CAPN7: variants seen among roughly 807,000 people sequenced by gnomAD.
CAPN7 encodes calpain 7.
A neutral mutation model predicts 115.2 loss-of-function variants in CAPN7; 72 were observed. That is an observed-to-expected ratio of 0.63 (90% CI 0.52 to 0.76). CAPN7 has a LOEUF of 0.76. Ranked by LOEUF, CAPN7 falls within the 30% of genes least tolerant of loss-of-function variation. The pLI is 0.00. For missense variants in CAPN7, 905 were observed against 971.5 expected (o/e 0.93, Z 0.91); for synonymous variants, 344 against 322.3 (o/e 1.07, Z -0.72).
At chr3:15,228,272 ATTAT>A (rs1694447228) in intron 7 of CAPN7, among the ~76,000 whole-genome samples, 1 of 152,206 alleles carries the variant, frequency 6.6e-6, no homozygotes, top group Non-Finnish European at 1.5e-5. Flanking sequence ...AGGATATTTA[ATTAT>A]TTGAGTAATT....
At chr3:15,214,526 C>T (rs2045133726) in intron 2 of CAPN7, among the ~76,000 whole-genome samples, 1 of 151,992 alleles carries the variant, frequency 6.6e-6, no homozygotes, top group Non-Finnish European at 1.5e-5. Flanking sequence ...AGTTCAAGAT[C>T]AGCCTAGGCA....
At chr3:15,216,595 A>G (rs569929802) in intron 2 of CAPN7, among the ~76,000 whole-genome samples, 1 of 152,344 alleles carries the variant, frequency 6.6e-6, no homozygotes, top group Admixed American at 6.5e-5. Context: ...ATGAAAATAC[A>G]TAACATATTC....
Position 15,206,426 on chromosome 3 carries a change from C to T in CAPN7, c.-70C>T, listed in dbSNP as rs886448854. The T allele has an allele frequency of 3.3e-6, 4 of 1,219,498 alleles. No homozygotes were observed. Among genetic ancestry groups the T allele is most frequent in the Middle Eastern group, 2.7e-4 (1 of 3,724 alleles). The allele number at this position is 1,219,498 out of a possible 1,614,324, so 75.5% of individuals were successfully genotyped here. A position where few individuals can be genotyped will look rare whatever the true frequency, so the allele number is the denominator to read the frequency against. On this transcript the variant is annotated 5_prime_UTR_variant, in exon 1 of 21. Coordinates refer to ENST00000253693, the MANE Select transcript of CAPN7 (RefSeq NM_014296.3). Reference sequence around the variant, plus strand: ...TCCCGAGTCCTCGCCGCCGCCGGGCCGCCGCAGTCCGCGAAGAGCCGTCCT... The same window carrying T: ...TCCCGAGTCCTCGCCGCCGCCGGGCTGCCGCAGTCCGCGAAGAGCCGTCCT...
Position 15,235,057 on chromosome 3 carries a change from C to T in CAPN7, c.1319C>T (p.Ser440Leu). 2 of 1,612,900 alleles carry T rather than the reference C, an allele frequency of 1.2e-6. No individual in the cohort carries two copies. Among genetic ancestry groups the T allele is most frequent in the East Asian group, 2.2e-5 (1 of 44,870 alleles). ...FHKGDVLITA[S>L]TGMMTEAEGE... The stretch of plus-strand genomic sequence containing the variant: ...AAAGGAGATGTCCTCATCACTGCGT[C>T]AACTGGAATGATGACAGAAGCTGAA... The change falls in exon 12 of 21, where the codon TCA becomes TTA. Residue 440 changes from serine (S) to leucine (L), a missense_variant. Ser to Leu is a moderately radical substitution (Grantham distance 145). This residue lies in a region of CAPN7 where 620 missense variants were observed against 703.4 expected (regional missense o/e 0.88). Coordinates refer to ENST00000253693, the MANE Select transcript of CAPN7 (RefSeq NM_014296.3).
chr3:15,232,750 T>C (rs1245601480), intron 10 of CAPN7, 85 bp downstream of exon 10: 4 of 1,207,764 alleles, frequency 3.3e-6, no homozygotes, highest in Non-Finnish European at 4.5e-6. Context: ...AGATAGTCTT[T>C]TTGTTTATAG....
intron 1 of CAPN7, among the ~76,000 whole-genome samples, chr3:15,207,824 C>T (rs1235066533): frequency 6.6e-6 from 1 of 152,122 alleles, no homozygotes; most frequent in Non-Finnish European, 1.5e-5. Flanking sequence ...GAAATATCTC[C>T]TGAAGGACAT....
chr3:15,224,536 G>A (rs1457568274), intron 6 of CAPN7, among the ~76,000 whole-genome samples: 1 of 151,920 alleles, frequency 6.6e-6, no homozygotes, highest in Non-Finnish European at 1.5e-5. Flanking sequence ...GCCTCCCGAA[G>A]TGCTGGGATT....
chr3:15,208,415 T>C (rs1358464252), intron 1 of CAPN7, among the ~76,000 whole-genome samples: 1 of 151,424 alleles, frequency 6.6e-6, no homozygotes, highest in Non-Finnish European at 1.5e-5. Context: ...AGTCTCCCAA[T>C]TGGTGGGACT....
At position 15,220,997 on chromosome 3, in the gene CAPN7, A is replaced by G; in HGVS notation, c.638+16A>G. 2 of 1,595,550 alleles carry G rather than the reference A, an allele frequency of 1.3e-6. No homozygotes were observed. The highest frequency in any genetic ancestry group is 1.7e-6 in the Non-Finnish European group (2 of 1,163,972). On this transcript the variant is annotated intron_variant, in intron 5 of 20. Coordinates refer to ENST00000253693, the MANE Select transcript of CAPN7 (RefSeq NM_014296.3). ...AAGTACTCAGGTAAATAAGTTTACA[A>G]TTAATTGTAATGAAGAATTTTGTTA...
chr3:15,227,197 C>T (rs933518457), intron 6 of CAPN7, among the ~76,000 whole-genome samples: 5 of 151,708 alleles, frequency 3.3e-5, no homozygotes, highest in Non-Finnish European at 7.4e-5. Flanking sequence ...AACATTGTTA[C>T]ACACAGTGAG....
At chr3:15,228,405 G>A (rs1694455694) in intron 7 of CAPN7, among the ~76,000 whole-genome samples, 1 of 152,038 alleles carries the variant, frequency 6.6e-6, no homozygotes, top group African/African-American at 2.4e-5. Context: ...ATAATAACCA[G>A]GAAAATATTT....
At position 15,247,397 on chromosome 3, in the gene CAPN7, C is replaced by A; in HGVS notation, c.2144C>A (p.Pro715His). ...GNFQETHKNN[P>H]IYQFHIEKTG... ...TTCCAAGAGACTCACAAAAATAACCCCATCTACCAATTCCATATAGAAAAG... is the reference window on the plus strand; with the variant it reads ...TTCCAAGAGACTCACAAAAATAACCACATCTACCAATTCCATATAGAAAAG... Residue 715 changes from proline to histidine, a missense_variant, in exon 19 of 21, where the codon CCC (proline) becomes CAC (histidine). By Grantham distance (77) the Pro-to-His change is moderately conservative. Transcript: ENST00000253693. The A allele has an allele frequency of 6.2e-7, 1 of 1,611,320 alleles. No homozygotes were observed. Among genetic ancestry groups the A allele is most frequent in the Non-Finnish European group, 8.5e-7 (1 of 1,178,348 alleles).
intron 8 of CAPN7, 127 bp from the exon 9 acceptor site, chr3:15,230,315 A>C: frequency 1.9e-6 from 1 of 524,500 alleles, no homozygotes; most frequent in Non-Finnish European, 3.5e-6. Flanking sequence ...TATTGTAGGA[A>C]AATATTCTCC....
Position 15,206,531 on chromosome 3 carries a change from G to A in CAPN7, c.36G>A (p.Gln12=). 1 of 1,556,228 alleles carries A rather than the reference G, an allele frequency of 6.4e-7. No homozygotes were observed. The highest frequency in any genetic ancestry group is 1.2e-5 in the South Asian group (1 of 84,366). The change falls in exon 1 of 21, where the codon CAG becomes CAA. Residue 12 remains glutamine (Q), a synonymous_variant. Transcript: ENST00000253693. ...CAGCACTGGAGCGGGACGCTGTGCA[G>A]TTCGCCCGTCTGGCGGTTCAGCGCG... ...DATALERDAV[Q]FARLAVQRDH...
chr3:15,240,695 C>T lies in CAPN7; in HGVS notation c.1553-59C>T, dbSNP rs1695290914. 3.9e-6 allele frequency: 6 copies of T among 1,544,396 alleles called. No individual in the cohort carries two copies. In the East Asian group the frequency reaches 1.4e-4, roughly 35 times the overall value. ...TTTTAACAAGACAAAACATGTGTAA[C>T]TGACTTAAATCATTTAGCATTAAGA... On this transcript the variant is annotated intron_variant, in intron 13 of 20. Coordinates refer to ENST00000253693, the MANE Select transcript of CAPN7 (RefSeq NM_014296.3).
At chr3:15,226,895 T>C (rs1474975411) in intron 6 of CAPN7, among the ~76,000 whole-genome samples, 2 of 152,126 alleles carry the variant, frequency 1.3e-5, no homozygotes, top group Non-Finnish European at 2.9e-5. Flanking sequence ...TTGCATATTA[T>C]ATACTTTCTA....
chr3:15,240,431 G>A (rs763266502), intron 12 of CAPN7, 42 bp from the exon 13 acceptor site: 4 of 1,578,022 alleles, frequency 2.5e-6, no homozygotes, highest in Non-Finnish European at 2.6e-6. Flanking sequence ...GGTAAAAACT[G>A]TTTTACAACT....
rs1370875091 is a variant in CAPN7 at position 15,232,649 on chromosome 3, T to G, written c.1163T>G (p.Phe388Cys). The G allele has an allele frequency of 3.7e-6, 6 of 1,608,306 alleles. No individual in the cohort carries two copies. Among genetic ancestry groups the G allele is most frequent in the African/African-American group, 2.7e-5 (2 of 74,450 alleles). The change falls in exon 10 of 21, where the codon TTT becomes TGT. Residue 388 changes from phenylalanine to cysteine, a missense_variant. Around this residue, in one of 3 missense-constraint regions of CAPN7, gnomAD observed 620 missense variants for 703.4 expected, o/e 0.88. Coordinates refer to ENST00000253693, the MANE Select transcript of CAPN7 (RefSeq NM_014296.3). ...AYMKVMGGYD[F>C]PGSNSNIDLH... ...ATGAAAGTCATGGGAGGATATGATTTTCCAGGATCCAACTCCGTAAGTAAT... is the reference window on the plus strand; with the variant it reads ...ATGAAAGTCATGGGAGGATATGATTGTCCAGGATCCAACTCCGTAAGTAAT...
intron 8 of CAPN7, 53 bp downstream of exon 8, chr3:15,229,112 A>G (rs573238438): frequency 7.7e-7 from 1 of 1,301,512 alleles, no homozygotes; most frequent in South Asian, 1.2e-5. Context: ...CTTAACTAGA[A>G]ATTTAAAACT....
Sources: allele counts gnomAD v4.1 joint callset (sites outside exome capture counted in the v4.1 genomes callset), GRCh38; gene constraint gnomAD v4.1.1; regional missense constraint gnomAD v4.1.1; transcripts MANE v1.5; gene names NCBI Gene and HGNC (gene_info 2026-07-23, HGNC 2026-07-21).